The following RAPGEF5 variants were observed in gnomAD, a reference collection of about 807,000 sequenced individuals.
RAPGEF5 encodes M-Ras-regulated GEF.
Under a neutral mutation model 125.2 loss-of-function variants are expected in RAPGEF5, and 65 were observed. The ratio of observed to expected loss-of-function variants is 0.52; its 90% CI spans 0.43 to 0.64. The LOEUF (loss-of-function observed/expected upper bound fraction) is 0.64. RAPGEF5 is among the 30% of genes least tolerant of loss of function. The probability of loss-of-function intolerance (pLI) is 0.00; values close to 1 mark genes in which losing one functional copy is unlikely to be tolerated. For synonymous variants in RAPGEF5, 391 were observed against 385.9 expected, an observed-to-expected ratio of 1.01 and a Z score of -0.16; for missense variants, 958 against 1,048.1, an observed-to-expected ratio of 0.91 and a Z score of 1.19.
intron 4 of RAPGEF5, 149 bp from the exon 5 acceptor site, chr7:22,308,656 A>T (rs1033033102): frequency 7.6e-6 from 5 of 653,804 alleles, no homozygotes; most frequent in African/African-American, 1.9e-5. Flanking sequence ...CATGTTTATA[A>T]TCCCATTGAA....
At chr7:22,337,327 G>GT (rs2128158961) in intron 1 of RAPGEF5, among the ~76,000 whole-genome samples, 1 of 152,268 alleles carries the variant, frequency 6.6e-6, no homozygotes, top group East Asian at 1.9e-4. Context: ...GTGGGTCCAA[G>GT]TGGGGCCATC....
chr7:22,149,225 T>C (rs1296786252), intron 18 of RAPGEF5, among the ~76,000 whole-genome samples: 1 of 152,268 alleles, frequency 6.6e-6, no homozygotes, highest in Non-Finnish European at 1.5e-5. Context: ...AACATTATTA[T>C]GATAGCTTAA....
intron 9 of RAPGEF5, among the ~76,000 whole-genome samples, chr7:22,208,765 A>T (rs1562762319): frequency 6.6e-6 from 1 of 152,150 alleles, no homozygotes; most frequent in South Asian, 2.1e-4. Flanking sequence ...CAATCTAAAA[A>T]CTTGGGTTTG....
chr7:22,346,593 C>G (rs1485060301), intron 1 of RAPGEF5, among the ~76,000 whole-genome samples: 1 of 152,124 alleles, frequency 6.6e-6, no homozygotes, highest in African/African-American at 2.4e-5. Context: ...TAGGCAATCA[C>G]AAGTATTTGC....
At chr7:22,251,268 C>T (rs1786611184) in intron 7 of RAPGEF5, among the ~76,000 whole-genome samples, 1 of 152,134 alleles carries the variant, frequency 6.6e-6, no homozygotes, top group Non-Finnish European at 1.5e-5. Flanking sequence ...AAATCATAGA[C>T]AATGCCACCC....
chr7:22,242,357 G>C (rs1284573971), intron 7 of RAPGEF5, among the ~76,000 whole-genome samples: 1 of 152,202 alleles, frequency 6.6e-6, no homozygotes, highest in Non-Finnish European at 1.5e-5. Flanking sequence ...ATGCCCTGGG[G>C]ATAGGGACTT....
chr7:22,251,775 CAAAAAAAA>C (rs58681076), intron 7 of RAPGEF5, among the ~76,000 whole-genome samples: 24 of 73,350 alleles, frequency 3.3e-4, no homozygotes, highest in African/African-American at 6.8e-4. Context: ...GTTTCATTGA[CAAAAAAAA>C]AAAAAAAAAA....
chr7:22,186,263 T>C (rs1297633321), intron 11 of RAPGEF5, among the ~76,000 whole-genome samples: 1 of 152,204 alleles, frequency 6.6e-6, no homozygotes, highest in Non-Finnish European at 1.5e-5. Flanking sequence ...CTAACAATAG[T>C]GATTTACCAA....
chr7:22,288,650 G>A (rs968938931), intron 6 of RAPGEF5, among the ~76,000 whole-genome samples: 30 of 151,790 alleles, frequency 2.0e-4, no homozygotes, highest in Non-Finnish European at 4.3e-4. Flanking sequence ...AGCCTCCCGA[G>A]TAGCTGGGAC....
chr7:22,303,790 G>C (rs1317351827), intron 5 of RAPGEF5, among the ~76,000 whole-genome samples: 2 of 152,190 alleles, frequency 1.3e-5, no homozygotes, highest in African/African-American at 4.8e-5. Context: ...CAAAATGCAA[G>C]AGCAGTAAGT....
At chr7:22,297,270 G>A (rs1400111846) in intron 5 of RAPGEF5, among the ~76,000 whole-genome samples, 1 of 152,142 alleles carries the variant, frequency 6.6e-6, no homozygotes, top group Non-Finnish European at 1.5e-5. Context: ...CACAATGTGA[G>A]GAAACTGACC....
intron 3 of RAPGEF5, among the ~76,000 whole-genome samples, chr7:22,312,648 C>T (rs1286215895): frequency 1.3e-5 from 2 of 152,212 alleles, no homozygotes; most frequent in Non-Finnish European, 2.9e-5. Context: ...GAACACAGTA[C>T]TGTCGTAACA....
chr7:22,172,139 T>C (rs989300922), intron 11 of RAPGEF5, among the ~76,000 whole-genome samples: 1 of 152,162 alleles, frequency 6.6e-6, no homozygotes, highest in Admixed American at 6.6e-5. Flanking sequence ...GGGGTTTTTT[T>C]TGAGATGGAG....
intron 19 of RAPGEF5, 44 bp downstream of exon 19, chr7:22,146,853 A>T: frequency 1.3e-6 from 2 of 1,587,238 alleles, no homozygotes; most frequent in Non-Finnish European, 1.7e-6. Flanking sequence ...AAGAATTCAC[A>T]GTTAAAACAG....
intron 11 of RAPGEF5, among the ~76,000 whole-genome samples, chr7:22,173,881 A>C (rs191990091): frequency 6.6e-6 from 1 of 152,274 alleles, no homozygotes; most frequent in Non-Finnish European, 1.5e-5. Flanking sequence ...GTCTAGGTAC[A>C]ATTGCAGCCC....
In RAPGEF5 at chr7:22,275,358, G is replaced by T. The variant is rs529095958; in HGVS notation, c.748-8346C>A. ...AACCTGACTCCTGGCACCATTCCTG[G>T]TACATACGTTTGTGATCAAGAACAC... On this transcript the variant is annotated intron_variant, in intron 6 of 25. Transcript: ENST00000665637. 6.6e-5 allele frequency among the ~76,000 whole-genome samples: 10 copies of T among 152,214 alleles called. No homozygotes were observed. The South Asian group carries it at 2.1e-3, about 32-fold the overall frequency.
chr7:22,346,420 T>C (rs1175389645), intron 1 of RAPGEF5, among the ~76,000 whole-genome samples: 1 of 152,182 alleles, frequency 6.6e-6, no homozygotes, highest in African/African-American at 2.4e-5. Context: ...CATTCCTATG[T>C]ACAAATTCAC....
Position 22,136,130 on chromosome 7 carries a change from C to T in RAPGEF5, c.2329-5G>A, listed in dbSNP as rs535955854. 10 of 1,593,774 alleles carry T rather than the reference C, an allele frequency of 6.3e-6. No homozygotes were observed. The highest frequency in any genetic ancestry group is 2.2e-5 in the East Asian group (1 of 44,668). ...TTTGTGATTTAGGGAAGGATCCTGC[C>T]GAACCAAGCAGATTACAAAGAGAAA... On this transcript the variant is annotated splice_region_variant and splice_polypyrimidine_tract_variant and intron_variant, in intron 22 of 25. Coordinates refer to ENST00000665637, the MANE Select transcript of RAPGEF5 (RefSeq NM_012294.5).
intron 9 of RAPGEF5, among the ~76,000 whole-genome samples, chr7:22,197,449 G>A (rs1039739657): frequency 5.9e-5 from 9 of 152,206 alleles, no homozygotes; most frequent in Non-Finnish European, 1.3e-4. Flanking sequence ...CACATTAACT[G>A]AAGATGTTAA....
Sources: allele counts gnomAD v4.1 joint callset (sites outside exome capture counted in the v4.1 genomes callset), GRCh38; gene constraint gnomAD v4.1.1; transcripts MANE v1.5; gene names NCBI Gene and HGNC (gene_info 2026-07-23, HGNC 2026-07-21).